ASPRV1: variants seen among roughly 807,000 people sequenced by gnomAD.
The protein encoded by ASPRV1 is retroviral-like aspartic protease 1.
Under a neutral mutation model 11.0 loss-of-function variants are expected in ASPRV1, and 7 were observed. The observed-to-expected ratio is 0.64, with a 90% CI of 0.36 to 1.20. The LOEUF is 1.20. ASPRV1 is among the 50% of genes most tolerant of loss of function. The pLI is 0.02. For synonymous variants in ASPRV1, 136 were observed against 138.4 expected, an observed-to-expected ratio of 0.98 and a Z score of 0.12; for missense variants, 299 against 320.0, an observed-to-expected ratio of 0.93 and a Z score of 0.50.
At chr2:70,044,668 A>AT in the ASPRV1 span, among the ~76,000 whole-genome samples, 2 of 152,340 alleles carry the variant, frequency 1.3e-5, no homozygotes, top group South Asian at 4.1e-4. Flanking sequence ...CATGTTGGTC[A>AT]GGCTGGTCTC....
chr2:70,020,246 T>C, the ASPRV1 span, among the ~76,000 whole-genome samples: 1 of 152,160 alleles, frequency 6.6e-6, no homozygotes, highest in Admixed American at 6.6e-5. Context: ...TGGTTATATA[T>C]ACAATTGAAT....
chr2:70,076,313 C>T, the ASPRV1 span, among the ~76,000 whole-genome samples: 3,454 of 152,268 alleles, frequency 0.023, 131 homozygotes, highest in African/African-American at 0.079. Context: ...AAACTAATTC[C>T]GTCATTTATA....
chr2:69,949,965 GCCA>G, the ASPRV1 span, among the ~76,000 whole-genome samples: 1 of 152,072 alleles, frequency 6.6e-6, no homozygotes, highest in Non-Finnish European at 1.5e-5. Flanking sequence ...ACAGGCGTCT[GCCA>G]CCGTACCAAG....
the ASPRV1 span, among the ~76,000 whole-genome samples, chr2:69,984,566 A>G: frequency 1.2e-3 from 172 of 146,884 alleles, no homozygotes; most frequent in Non-Finnish European, 2.2e-3. Context: ...GACCATGTCT[A>G]TAGATCCACA....
chr2:70,000,027 C>T, the ASPRV1 span, among the ~76,000 whole-genome samples: 4 of 152,200 alleles, frequency 2.6e-5, no homozygotes, highest in East Asian at 7.7e-4. Flanking sequence ...TGGCAGGAGC[C>T]GCCTCCCTGC....
chr2:70,023,436 G>A, the ASPRV1 span, among the ~76,000 whole-genome samples: 3 of 152,154 alleles, frequency 2.0e-5, no homozygotes, highest in African/African-American at 7.2e-5. Context: ...TCCCTCCATT[G>A]GGCACTCTCT....
At chr2:70,009,539 A>T in the ASPRV1 span, among the ~76,000 whole-genome samples, 1 of 152,156 alleles carries the variant, frequency 6.6e-6, no homozygotes, top group Non-Finnish European at 1.5e-5. Flanking sequence ...CATGTTGGCC[A>T]GGCTGGTCTC....
chr2:69,945,191 A>G, the ASPRV1 span, among the ~76,000 whole-genome samples: 2 of 152,122 alleles, frequency 1.3e-5, no homozygotes, highest in Non-Finnish European at 2.9e-5. Flanking sequence ...TTGAGCTATG[A>G]TTGTACCACT....
At chr2:70,055,977 T>C in the ASPRV1 span, 1 of 152,128 alleles carries the variant, frequency 6.6e-6, no homozygotes, top group Non-Finnish European at 1.5e-5. Flanking sequence ...GGCTAAACTA[T>C]GATGCATACA....
chr2:69,998,886 C>T, the ASPRV1 span, among the ~76,000 whole-genome samples: 1 of 152,146 alleles, frequency 6.6e-6, no homozygotes, highest in Non-Finnish European at 1.5e-5. Flanking sequence ...GACAGGAAAC[C>T]CCAACACAGT....
the ASPRV1 span, chr2:69,939,323 C>T: frequency 6.6e-6 from 1 of 152,592 alleles, no homozygotes; most frequent in African/African-American, 2.4e-5. Context: ...TACTAGAACT[C>T]CTCTCCTTAT....
At chr2:69,947,918 T>G in the ASPRV1 span, among the ~76,000 whole-genome samples, 39,569 of 152,000 alleles carry the variant, frequency 0.26, 6,462 homozygotes, top group Admixed American at 0.44. Context: ...CTGGGTCTGA[T>G]TCCCCTGCCA....
At chr2:70,079,031 C>G in the ASPRV1 span, among the ~76,000 whole-genome samples, 5 of 152,152 alleles carry the variant, frequency 3.3e-5, no homozygotes, top group African/African-American at 1.2e-4. Flanking sequence ...TTAAGGGAGA[C>G]TCTCTATATA....
the ASPRV1 span, among the ~76,000 whole-genome samples, chr2:70,009,303 TTTA>T: frequency 7.3e-6 from 1 of 137,260 alleles, no homozygotes; most frequent in East Asian, 2.0e-4. Flanking sequence ...GCTTATATAA[TTTA>T]TTGTCTTATT....
chr2:70,011,276 A>T, the ASPRV1 span, among the ~76,000 whole-genome samples: 1 of 149,864 alleles, frequency 6.7e-6, no homozygotes, highest in African/African-American at 2.4e-5. Context: ...TTAAAAGTTA[A>T]AAAAAAAAAG....
At chr2:70,009,956 G>A in the ASPRV1 span, among the ~76,000 whole-genome samples, 1 of 152,206 alleles carries the variant, frequency 6.6e-6, no homozygotes, top group South Asian at 2.1e-4. Flanking sequence ...TGCTGCTATA[G>A]GAGTGTCCGT....
chr2:69,978,333 C>T, the ASPRV1 span, among the ~76,000 whole-genome samples: 2 of 152,316 alleles, frequency 1.3e-5, no homozygotes, highest in South Asian at 4.1e-4. Context: ...CACACTCATC[C>T]CTGGATAGTT....
the ASPRV1 span, among the ~76,000 whole-genome samples, chr2:70,071,125 A>G: frequency 1.3e-5 from 2 of 152,212 alleles, no homozygotes; most frequent in Non-Finnish European, 2.9e-5. Flanking sequence ...AATGATTACA[A>G]GAGTAGGAGA....
chr2:70,020,296 T>C, the ASPRV1 span, among the ~76,000 whole-genome samples: 2 of 152,198 alleles, frequency 1.3e-5, no homozygotes, highest in Admixed American at 1.3e-4. Flanking sequence ...TTCACTCATG[T>C]TTGTTGCGGT....
Sources: allele counts gnomAD v4.1 joint callset (sites outside exome capture counted in the v4.1 genomes callset), GRCh38; gene constraint gnomAD v4.1.1; transcripts MANE v1.5; gene names NCBI Gene and HGNC (gene_info 2026-07-23, HGNC 2026-07-21).